RSRP1: variants seen among roughly 807,000 people sequenced by gnomAD.
RSRP1 encodes the protein arginine/serine-rich protein 1.
RSRP1 carries 37 observed loss-of-function variants against 33.0 expected under a neutral mutation model. The ratio of observed to expected loss-of-function variants is 1.12; its 90% CI spans 0.86 to 1.48. The LOEUF (loss-of-function observed/expected upper bound fraction) is 1.48, where lower values mean the gene tolerates loss of function less well. Ranked by LOEUF, RSRP1 falls within the 40% of genes most tolerant of loss-of-function variation. The pLI is 0.00. For synonymous variants in RSRP1, 167 were observed against 158.7 expected (o/e 1.05, Z -0.40); for missense variants, 402 against 385.3 (o/e 1.04, Z -0.36).
In RSRP1 at chr1:25,315,558, G is replaced by A. The variant is rs1199454009; in HGVS notation, c.-67+22420C>T. ...GTTGCCCAGGCTGGAGTGCAGTGGC[G>A]TGATCTCAGCTCACTGCAAACTCCA... is the stretch of plus-strand genomic sequence containing the variant. On this transcript the variant is annotated intron_variant, in intron 1 of 1. Transcript: ENST00000561867. Among the ~76,000 whole-genome samples the A allele has an allele frequency of 6.6e-5, 8 of 120,308 alleles. 2 individuals carry two copies. Among genetic ancestry groups the A allele is most frequent in the East Asian group, 6.0e-4 (3 of 4,970 alleles). 78.9% of individuals were successfully genotyped at this position (120,308 alleles called of 152,430 possible).
At chr1:25,252,378 G>GA (rs201569760), upstream of RSRP1, among the ~76,000 whole-genome samples, 15 of 149,022 alleles carry the variant, frequency 1.0e-4, no homozygotes, top group South Asian at 2.1e-4. Context: ...TAGCAGTGAG[G>GA]AAAAAAAAAC....
chr1:25,247,495 TG>T (rs1639574999), upstream of RSRP1: 1 of 152,648 alleles, frequency 6.6e-6, no homozygotes. Flanking sequence ...TACCAGAAGC[TG>T]GCCCCCGGCG....
chr1:25,293,388 T>A lies in RSRP1; in HGVS notation c.-67+44590A>T, dbSNP rs1386480678. On this transcript the variant is annotated intron_variant, in intron 1 of 1. Coordinates refer to the RSRP1 transcript ENST00000561867. The stretch of plus-strand genomic sequence containing the variant: ...TTATACAACATTTTATTTAAAAAAA[T>A]TATTTTCATAGAATACATTTTCACA... 1.5e-5 allele frequency among the ~76,000 whole-genome samples: 2 copies of A among 130,284 alleles called. 1 individual carries two copies. The highest frequency in any genetic ancestry group is 3.6e-5 in the Non-Finnish European group (2 of 55,264). The allele number at this position is 130,284 out of a possible 152,430, so 85.5% of individuals were successfully genotyped here.
At position 25,270,567 on chromosome 1, in the gene RSRP1, C is replaced by A. The variant is rs1479924228; in HGVS notation, c.-66-23538G>T. 2.3e-5 allele frequency among the ~76,000 whole-genome samples: 3 copies of A among 132,040 alleles called. 1 individual carries two copies. Among genetic ancestry groups the A allele is most frequent in the Admixed American group, 7.4e-5 (1 of 13,584 alleles). The allele number at this position is 132,040 out of a possible 152,430, so 86.6% of individuals were successfully genotyped here. ...CCCAAACCATCCCTCCAACCTCACC[C>A]CGGTCCATGGAAAAATTGTCTTTTA... On this transcript the variant is annotated intron_variant, in intron 1 of 1. Coordinates refer to the RSRP1 transcript ENST00000561867.
At chr1:25,250,984 G>A (rs1639760032), upstream of RSRP1, among the ~76,000 whole-genome samples, 1 of 151,778 alleles carries the variant, frequency 6.6e-6, no homozygotes, top group South Asian at 2.1e-4. Flanking sequence ...ACTTCAGCCT[G>A]GGCAACACAG....
chr1:25,286,909 A>C (rs201375549), intron 1 of RSRP1, among the ~76,000 whole-genome samples: 2 of 134,488 alleles, frequency 1.5e-5, no homozygotes, highest in East Asian at 3.9e-4. Flanking sequence ...CCTGAGCAAC[A>C]TGGTGAAATC....
Position 25,242,475 on chromosome 1 carries a change from G to GT in RSRP1, c.*113dup, listed in dbSNP as rs1364475660. ...TAAGTATTTACATCTTTTTGTGTTG[G>GT]TTTTTAAATGCACAAGTACCCCTGA... On this transcript the variant is annotated 3_prime_UTR_variant, in exon 5 of 5. Coordinates refer to ENST00000243189, the MANE Select transcript of RSRP1 (RefSeq NM_020317.5). The GT allele has an allele frequency of 1.8e-5, 12 of 653,646 alleles. No individual in the cohort carries two copies. The highest frequency in any genetic ancestry group is 1.7e-4 in the South Asian group (8 of 47,536). The allele number at this position is 653,646 out of a possible 1,614,324, so 40.5% of individuals were successfully genotyped here.
chr1:25,321,431 T>C lies in RSRP1; in HGVS notation c.-67+16547A>G, dbSNP rs1454499388. The stretch of plus-strand genomic sequence containing the variant: ...ATACTAGCACTTTGGAAGGCTGAGG[T>C]GGGTGGATCACCTGAGGTCGGGAGT... On this transcript the variant is annotated intron_variant, in intron 1 of 1. Coordinates refer to the RSRP1 transcript ENST00000561867. Among the ~76,000 whole-genome samples, 18 of 108,654 alleles carry C rather than the reference T, an allele frequency of 1.7e-4. 3 individuals are homozygous for C. Among genetic ancestry groups the C allele is most frequent in the African/African-American group, 5.6e-4 (18 of 32,028 alleles). 71.3% of individuals were successfully genotyped at this position (108,654 alleles called of 152,430 possible).
intron 1 of RSRP1, among the ~76,000 whole-genome samples, chr1:25,310,078 C>T (rs187468762): frequency 0.08 from 10,346 of 129,914 alleles, 920 homozygotes; most frequent in African/African-American, 0.26. Flanking sequence ...GATATCCCCA[C>T]ATAACCAACA....
At chr1:25,287,877 CA>C in intron 1 of RSRP1, among the ~76,000 whole-genome samples, 1 of 127,276 alleles carries the variant, frequency 7.9e-6, no homozygotes, top group East Asian at 2.0e-4. Context: ...CGCCTGCTAC[CA>C]TGCCCTGCTA....
At chr1:25,270,673 A>G (rs1311108488) in intron 1 of RSRP1, among the ~76,000 whole-genome samples, 1 of 132,106 alleles carries the variant, frequency 7.6e-6, no homozygotes, top group African/African-American at 2.6e-5. Context: ...CAGGTCCTGA[A>G]GTTAGGCTGC....
chr1:25,269,748 AG>A (rs1279743724), intron 1 of RSRP1, among the ~76,000 whole-genome samples: 1 of 132,158 alleles, frequency 7.6e-6, no homozygotes, highest in Non-Finnish European at 1.8e-5. Flanking sequence ...CTGTTGGGAG[AG>A]GCCAACTGCA....
intron 1 of RSRP1, among the ~76,000 whole-genome samples, chr1:25,285,759 A>T (rs1369891050): frequency 7.4e-6 from 1 of 135,120 alleles, no homozygotes; most frequent in African/African-American, 2.6e-5. Context: ...AAGTAGGCTA[A>T]ATTTTTTCCT....
chr1:25,303,114 C>G (rs1643517627), intron 1 of RSRP1, among the ~76,000 whole-genome samples: 1 of 131,828 alleles, frequency 7.6e-6, no homozygotes, highest in Non-Finnish European at 1.8e-5. Flanking sequence ...GTAACTGTGC[C>G]CTGAGCCTAA....
At chr1:25,316,617 AG>A (rs1269921096) in intron 1 of RSRP1, among the ~76,000 whole-genome samples, 1,381 of 98,602 alleles carry the variant, frequency 0.014, 143 homozygotes, top group African/African-American at 0.043. Context: ...AAACAAAAAC[AG>A]AAAAAAAAAA....
chr1:25,273,495 AC>A (rs1243762464), intron 1 of RSRP1, among the ~76,000 whole-genome samples: 1 of 91,596 alleles, frequency 1.1e-5, no homozygotes, highest in Non-Finnish European at 2.7e-5. Context: ...GCCTGTTGCT[AC>A]CCCCCACCCC....
chr1:25,295,107 AAGTATAAC>A lies in RSRP1; in HGVS notation c.-67+42863_-67+42870del, dbSNP rs1038578863. On this transcript the variant is annotated intron_variant, in intron 1 of 1. Coordinates refer to the RSRP1 transcript ENST00000561867. ...GAGATGGGGCTGTTTGCAAAGGAGG[AAGTATAAC>A]AGTAGCCCACAAAATCTGAGCTGGT... is the stretch of plus-strand genomic sequence containing the variant. 3.2e-4 allele frequency among the ~76,000 whole-genome samples: 47 copies of A among 145,498 alleles called. 1 individual carries two copies. Among genetic ancestry groups the A allele is most frequent in the African/African-American group, 1.2e-3 (47 of 37,870 alleles).
chr1:25,243,251 T>A (rs1233432689), intron 4 of RSRP1, among the ~76,000 whole-genome samples: 1 of 152,192 alleles, frequency 6.6e-6, no homozygotes, highest in East Asian at 1.9e-4. Context: ...TTTTTGAAAC[T>A]CTTATTTTAA....
chr1:25,246,570 CGTACGCCCTTCCGCA>C lies in RSRP1; in HGVS notation c.379_393del (p.Cys127_Tyr131del). On this transcript the variant is annotated inframe_deletion, in exon 2 of 5. Coordinates refer to ENST00000243189, the MANE Select transcript of RSRP1 (RefSeq NM_020317.5). Reference sequence around the variant, plus strand: ...TAGTAGCGCTGTCCCCGCGCGATCGCGTACGCCCTTCCGCAGTACGACCTTCCCCGAGAGCGCGAC... The same window carrying C: ...TAGTAGCGCTGTCCCCGCGCGATCGCGTACGACCTTCCCCGAGAGCGCGAC... 6.2e-7 allele frequency: 1 copy of C among 1,614,234 alleles called. No homozygotes were observed. The highest frequency in any genetic ancestry group is 8.5e-7 in the Non-Finnish European group (1 of 1,180,048).
Sources: gnomAD v4.1 joint callset for allele counts (sites outside exome capture counted in the v4.1 genomes callset) on GRCh38, gnomAD v4.1.1 for gene constraint, MANE v1.5 for transcripts, NCBI Gene and HGNC (gene_info 2026-07-23, HGNC 2026-07-21) for gene names.